Variants in LRFN1 observed in about 807,000 individuals in gnomAD.
The protein encoded by LRFN1 is leucine rich repeat and fibronectin type III domain containing 1.
Under a neutral mutation model 31.8 loss-of-function variants are expected in LRFN1, and 20 were observed. The ratio of observed to expected loss-of-function variants is 0.63; its 90% confidence interval spans 0.44 to 0.91. The LOEUF (loss-of-function observed/expected upper bound fraction) is 0.91. Among genes scored for constraint, LRFN1 ranks in the 40% least tolerant of loss-of-function variants. LRFN1 has a pLI of 0.00. For synonymous variants in LRFN1, 514 were observed against 541.3 expected (o/e 0.95, Z 0.70); for missense variants, 912 against 1,129.8 (o/e 0.81, Z 2.76).
chr19:39,314,390 G>T lies in LRFN1; in HGVS notation c.947C>A (p.Ala316Glu), dbSNP rs1434280925. 1 of 1,595,030 alleles carries T rather than the reference G, an allele frequency of 6.3e-7. No homozygotes were observed. The highest frequency in any genetic ancestry group is 1.3e-5 in the African/African-American group (1 of 74,498). The change falls in exon 4 of 5, where the codon GCG becomes GAG. Residue 316 changes from alanine to glutamate, a missense_variant. Around this residue, in one of 2 missense-constraint regions of LRFN1, gnomAD observed 401 missense variants for 572.7 expected, o/e 0.70. Transcript: ENST00000248668. The stretch of plus-strand genomic sequence containing the variant: ...CACCGCTCGGCAGCGCAGGCTCACC[G>T]CCTGGCCTTCCACCACCAGGGCCCG... ...GGRALVVEGQAVSLRCRAVGD... is the reference protein window; with the variant it reads ...GGRALVVEGQEVSLRCRAVGD...
chr19:39,312,907 A>AT (rs1366914699), intron 4 of LRFN1, among the ~76,000 whole-genome samples: 2 of 151,804 alleles, frequency 1.3e-5, no homozygotes, highest in African/African-American at 2.4e-5. Context: ...ACTGGGCTAT[A>AT]AGCTCCCTGA....
At chr19:39,320,192 C>G (rs2075183973) in intron 1 of LRFN1, among the ~76,000 whole-genome samples, 1 of 150,954 alleles carries the variant, frequency 6.6e-6, no homozygotes, top group African/African-American at 2.4e-5. Context: ...GAGGGAGCGG[C>G]GAACTCCCCT....
In LRFN1 at chr19:39,308,099, G is replaced by T. The variant is rs948564903; in HGVS notation, c.1850C>A (p.Pro617His). 1 of 1,495,980 alleles carries T rather than the reference G, an allele frequency of 6.7e-7. No homozygotes were observed. Among genetic ancestry groups the T allele is most frequent in the Non-Finnish European group, 8.9e-7 (1 of 1,128,412 alleles). 92.7% of individuals were successfully genotyped at this position (1,495,980 alleles called of 1,614,324 possible). Residue 617 changes from proline (P) to histidine (H), a missense_variant, in exon 5 of 5, where the codon CCC becomes CAC. Around this residue, in one of 2 missense-constraint regions of LRFN1, gnomAD observed 511 missense variants for 557.0 expected, o/e 0.92. Transcript: ENST00000248668. The surrounding 1 kb of genome is among the most constrained non-coding windows in gnomAD (Gnocchi z 6.2). ...ALREVESQAA[P>H]AVAVEAKAME... ...GGCCTTGGCCTCGACGGCGACGGCG[G>T]GGGCAGCCTGGGACTCCACCTCGCG...
At chr19:39,309,478 CAAAAAAAAA>C (rs71169583) in intron 4 of LRFN1, among the ~76,000 whole-genome samples, 12 of 32,004 alleles carry the variant, frequency 3.7e-4, no homozygotes, top group South Asian at 1.4e-3. Flanking sequence ...ACAAACAAAC[CAAAAAAAAA>C]AAAAAAAAAA....
At chr19:39,318,931 G>T (rs956354381) in intron 1 of LRFN1, among the ~76,000 whole-genome samples, 1 of 152,124 alleles carries the variant, frequency 6.6e-6, no homozygotes, top group Non-Finnish European at 1.5e-5. Flanking sequence ...CTGTGTCCAG[G>T]GACCCCAGGC....
rs1346281145 is a variant in LRFN1 at position 39,308,615 on chromosome 19, T to C, written c.1407-73A>G. On this transcript the variant is annotated intron_variant, in intron 4 of 4. Coordinates refer to ENST00000248668, the MANE Select transcript of LRFN1 (RefSeq NM_020862.2). This position sits in a 1 kb window ranked among gnomAD's most constrained non-coding sequence, Gnocchi z 6.2. ...GCCCCTTCGCTTTATGCCCCGCCCA[T>C]GGTGAACAGTGGGGACTAAACCCTG... is the stretch of plus-strand genomic sequence containing the variant. The C allele has an allele frequency of 5.3e-6, 7 of 1,317,068 alleles. No homozygotes were observed. Among genetic ancestry groups the C allele is most frequent in the Non-Finnish European group, 7.1e-6 (7 of 980,934 alleles). 81.6% of individuals were successfully genotyped at this position (1,317,068 alleles called of 1,614,324 possible).
In LRFN1 at chr19:39,314,154, G is replaced by A. The variant is rs759537017; in HGVS notation, c.1183C>T (p.Pro395Ser). The A allele has an allele frequency of 1.2e-6, 2 of 1,612,660 alleles. No individual in the cohort carries two copies. The highest frequency in any genetic ancestry group is 2.2e-5 in the South Asian group (2 of 91,064). Residue 395 changes from proline (P) to serine (S), a missense_variant, in exon 4 of 5, where the codon CCC becomes TCC. Physicochemically the swap from Pro to Ser is moderately conservative, Grantham distance 74. Coordinates refer to ENST00000248668, the MANE Select transcript of LRFN1 (RefSeq NM_020862.2). ...VCVVPLPLMAPPPAAPPPLTE... is the reference protein window; with the variant it reads ...VCVVPLPLMASPPAAPPPLTE... Reference sequence around the variant, plus strand: ...AGAGGCGGCGGGGCAGCCGGCGGGGGTGCCATCAGAGGCAGAGGTACCACG... The same window carrying A: ...AGAGGCGGCGGGGCAGCCGGCGGGGATGCCATCAGAGGCAGAGGTACCACG...
intron 1 of LRFN1, among the ~76,000 whole-genome samples, chr19:39,318,605 T>G (rs1055604246): frequency 1.3e-5 from 2 of 151,828 alleles, no homozygotes; most frequent in African/African-American, 4.9e-5. Flanking sequence ...CCTCTGGGGT[T>G]TCAGGAGCCA....
intron 2 of LRFN1, among the ~76,000 whole-genome samples, chr19:39,317,310 C>T (rs1160745850): frequency 1.3e-5 from 2 of 152,058 alleles, no homozygotes; most frequent in African/African-American, 2.4e-5. Context: ...GAGGCCGGAT[C>T]GGGGTGTCCT....
chr19:39,307,826 C>T lies in LRFN1; in HGVS notation c.2123G>A (p.Gly708Glu). The T allele has an allele frequency of 6.0e-6, 9 of 1,495,982 alleles. No homozygotes were observed. The highest frequency in any genetic ancestry group is 7.1e-6 in the Non-Finnish European group (8 of 1,129,042). 92.7% of individuals were successfully genotyped at this position (1,495,982 alleles called of 1,614,324 possible). A position where few individuals can be genotyped will look rare whatever the true frequency, so the allele number is the denominator to read the frequency against. The change falls in exon 5 of 5, where the codon GGG becomes GAG. Residue 708 changes from glycine (G) to glutamate (E), a missense_variant. By Grantham distance (98) the Gly-to-Glu change is moderately conservative. Coordinates refer to ENST00000248668, the MANE Select transcript of LRFN1 (RefSeq NM_020862.2). This position sits in a 1 kb window ranked among gnomAD's most constrained non-coding sequence, Gnocchi z 6.7. The stretch of plus-strand genomic sequence containing the variant: ...GCTCTGGAATAGTGCCCCGTAGTCC[C>T]CGTCGAACGAATAGCGCTGCTGCGG... ...PRPQQRYSFD[G>E]DYGALFQSHS...
At chr19:39,311,134 A>T (rs1376818908) in intron 4 of LRFN1, among the ~76,000 whole-genome samples, 2 of 152,240 alleles carry the variant, frequency 1.3e-5, no homozygotes, top group Non-Finnish European at 2.9e-5. Flanking sequence ...CTCCTTAAGA[A>T]AGCTTCAGCC....
chr19:39,313,286 T>A (rs2075157285), intron 4 of LRFN1, among the ~76,000 whole-genome samples: 1 of 152,184 alleles, frequency 6.6e-6, no homozygotes, highest in African/African-American at 2.4e-5. Flanking sequence ...ATCCCAGCAA[T>A]TTAGGAGGCC....
At position 39,309,501 on chromosome 19, in the gene LRFN1, A is replaced by C. The variant is rs557071786; in HGVS notation, c.1407-959T>G. Among the ~76,000 whole-genome samples the C allele has an allele frequency of 3.2e-4, 48 of 148,648 alleles. No individual in the cohort carries two copies. The South Asian group carries it at 7.0e-3, about 22-fold the overall frequency. On this transcript the variant is annotated intron_variant, in intron 4 of 4. Coordinates refer to ENST00000248668, the MANE Select transcript of LRFN1 (RefSeq NM_020862.2). The stretch of plus-strand genomic sequence containing the variant: ...ACCAAAAAAAAAAAAAAAAAAAAAA[A>C]AAAAAACCATCTAGCTTTGTCTATG...
At chr19:39,310,155 G>A (rs944169142) in intron 4 of LRFN1, among the ~76,000 whole-genome samples, 3 of 151,964 alleles carry the variant, frequency 2.0e-5, no homozygotes, top group Non-Finnish European at 2.9e-5. Flanking sequence ...ATGGGGTTTC[G>A]CCACGTTGGC....
chr19:39,315,096 G>A lies in LRFN1; in HGVS notation c.241C>T (p.Arg81Cys). The A allele has an allele frequency of 6.3e-7, 1 of 1,594,058 alleles. No individual in the cohort carries two copies. The highest frequency in any genetic ancestry group is 8.5e-7 in the Non-Finnish European group (1 of 1,177,738). Residue 81 changes from arginine (R) to cysteine (C), a missense_variant, in exon 4 of 5, where the codon CGC becomes TGC. Arg to Cys is a radical substitution (Grantham distance 180, BLOSUM62 -3). Transcript: ENST00000248668. This position sits in a 1 kb window ranked among gnomAD's most constrained non-coding sequence, Gnocchi z 4.7. ...GTCATGTTGGCGAAGTCTCGGCGGC[G>A]CACGGCGGCGATGAAGTTGTCGGTG... ...RLTDNFIAAV[R>C]RRDFANMTSL... is the part of the protein sequence containing the mutation.
intron 4 of LRFN1, among the ~76,000 whole-genome samples, chr19:39,309,346 C>T (rs1457093470): frequency 4.0e-5 from 6 of 151,700 alleles, no homozygotes; most frequent in African/African-American, 1.5e-4. Context: ...CCTAGCTACT[C>T]GGGAGGCTGA....
chr19:39,308,531 G>A lies in LRFN1; in HGVS notation c.1418C>T (p.Ser473Phe), dbSNP rs1417395482. 2 of 1,590,016 alleles carry A rather than the reference G, an allele frequency of 1.3e-6. No homozygotes were observed. Among genetic ancestry groups the A allele is most frequent in the South Asian group, 2.2e-5 (2 of 89,638 alleles). The change falls in exon 5 of 5, where the codon TCC becomes TTC. Residue 473 changes from serine to phenylalanine, a missense_variant. By Grantham distance (155) the Ser-to-Phe change is radical (BLOSUM62 -2). This residue lies in a region of LRFN1 where 511 missense variants were observed against 557.0 expected (regional missense o/e 0.92). Transcript: ENST00000248668. This position sits in a 1 kb window ranked among gnomAD's most constrained non-coding sequence, Gnocchi z 6.2. ...ATTCACCAGGAAGGTCTGACTGGTG[G>A]ACGGGATCATCCTGTAGGAGGGGGC... is the stretch of plus-strand genomic sequence containing the variant. ...DDSLVYRMIP[S>F]TSQTFLVNDL...
chr19:39,307,866 C>T lies in LRFN1; in HGVS notation c.2083G>A (p.Ala695Thr). Residue 695 changes from alanine to threonine, a missense_variant, in exon 5 of 5, where the codon GCG (alanine) becomes ACG (threonine). Coordinates refer to ENST00000248668, the MANE Select transcript of LRFN1 (RefSeq NM_020862.2). This position sits in a 1 kb window ranked among gnomAD's most constrained non-coding sequence, Gnocchi z 6.7. Reference sequence around the variant, plus strand: ...CGCTGCTGCGGCCTCGGCCGGGCCGCGGCTCCCCCAGGAACTAGAGCTAGA... The same window carrying T: ...CGCTGCTGCGGCCTCGGCCGGGCCGTGGCTCCCCCAGGAACTAGAGCTAGA... ...PTLALVPGGAAARPRPQQRYS... is the reference protein window; with the variant it reads ...PTLALVPGGATARPRPQQRYS... 6.6e-7 allele frequency: 1 copy of T among 1,525,608 alleles called. No homozygotes were observed. The highest frequency in any genetic ancestry group is 8.7e-7 in the Non-Finnish European group (1 of 1,143,100). The allele number at this position is 1,525,608 out of a possible 1,614,324, so 94.5% of individuals were successfully genotyped here. A position where few individuals can be genotyped will look rare whatever the true frequency, so the allele number is the denominator to read the frequency against.
chr19:39,315,200 G>A lies in LRFN1; in HGVS notation c.137C>T (p.Thr46Ile). The change falls in exon 4 of 5, where the codon ACA (threonine) becomes ATA (isoleucine). Residue 46 changes from threonine to isoleucine, a missense_variant. Physicochemically the swap from Thr to Ile is moderately conservative, Grantham distance 89. Transcript: ENST00000248668. This position sits in a 1 kb window ranked among gnomAD's most constrained non-coding sequence, Gnocchi z 4.7. ...GGTCTTGGCGCACAGCATTGTCAGT[G>A]TGGGCGCCACGTTCTGGCAGATGCA... is the stretch of plus-strand genomic sequence containing the variant. ...GRCICQNVAP[T>I]LTMLCAKTGL... 1 of 1,583,218 alleles carries A rather than the reference G, an allele frequency of 6.3e-7. No individual in the cohort carries two copies. Among genetic ancestry groups the A allele is most frequent in the Non-Finnish European group, 8.5e-7 (1 of 1,171,608 alleles).
Sources: allele counts gnomAD v4.1 joint callset (sites outside exome capture counted in the v4.1 genomes callset), GRCh38; gene constraint gnomAD v4.1.1; regional missense constraint gnomAD v4.1.1; non-coding constraint Gnocchi (gnomAD v3.1); transcripts MANE v1.5; gene names NCBI Gene and HGNC (gene_info 2026-07-23, HGNC 2026-07-21).